OR6Y1: variants seen among roughly 807,000 people sequenced by gnomAD.
The protein encoded by OR6Y1 is olfactory receptor family 6 subfamily Y member 1, also known as olfactory receptor 6Y1.
Under a neutral mutation model 0.4 loss-of-function variants are expected in OR6Y1, and 1 was observed. That is an observed-to-expected ratio of 2.74 (90% CI 0.97 to 13.02). OR6Y1 has a LOEUF of 13.02. Ranked by LOEUF, OR6Y1 falls within the 30% of genes most tolerant of loss-of-function variation. OR6Y1 has a pLI of 0.12. For synonymous variants in OR6Y1, 173 were observed against 141.1 expected (o/e 1.23, Z -1.60); for missense variants, 480 against 399.8 (o/e 1.20, Z -1.71).
At chr1:158,552,704 A>G (rs185266425) in intron 1 of OR6Y1, among the ~76,000 whole-genome samples, 1 of 152,228 alleles carries the variant, frequency 6.6e-6, no homozygotes, top group African/African-American at 2.4e-5. Flanking sequence ...TCAAAAATGG[A>G]ACATAGGTAG....
At chr1:158,551,743 T>TAC (rs144175888) in intron 1 of OR6Y1, among the ~76,000 whole-genome samples, 9,002 of 139,550 alleles carry the variant, frequency 0.065, 375 homozygotes, top group Middle Eastern at 0.17. Flanking sequence ...TTGTAGTGAT[T>TAC]ACACACACAC....
At position 158,547,744 on chromosome 1, in the gene OR6Y1, G is replaced by A; in HGVS notation, c.362C>T (p.Ala121Val). Residue 121 changes from alanine (A) to valine (V), a missense_variant, in exon 2 of 2, where the codon GCT becomes GTT. Transcript: ENST00000641622. ...TFVCTEYILL[A>V]IMAFDRYVAI... ...TACATAGCGGTCAAAGGCCATGATAGCAAGAAGGATGTACTCAGTGCAGAC... is the reference window on the plus strand; with the variant it reads ...TACATAGCGGTCAAAGGCCATGATAACAAGAAGGATGTACTCAGTGCAGAC... 1.2e-6 allele frequency: 2 copies of A among 1,613,594 alleles called. No homozygotes were observed. The highest frequency in any genetic ancestry group is 1.7e-6 in the Non-Finnish European group (2 of 1,180,012).
Position 158,546,005 on chromosome 1 carries a change from G to C in OR6Y1, c.*1123C>G, listed in dbSNP as rs1647519469. On this transcript the variant is annotated 3_prime_UTR_variant, in exon 2 of 2. Transcript: ENST00000641622. ...CTCTAGGCTAACATCCTTCCTTGCTGCTTCTAGCTTCTGGTGTTTGCCAGC... is the reference window on the plus strand; with the variant it reads ...CTCTAGGCTAACATCCTTCCTTGCTCCTTCTAGCTTCTGGTGTTTGCCAGC... 1 of 152,124 alleles carries C rather than the reference G, an allele frequency of 6.6e-6. No homozygotes were observed. Among genetic ancestry groups the C allele is most frequent in the Admixed American group, 6.6e-5 (1 of 15,258 alleles). 9.4% of individuals were successfully genotyped at this position (152,124 alleles called of 1,614,324 possible). A position where few individuals can be genotyped will look rare whatever the true frequency, so the allele number is the denominator to read the frequency against.
rs2101707647 is a variant in OR6Y1 at position 158,547,687 on chromosome 1, A to T, written c.419T>A (p.Ile140Asn). Residue 140 changes from isoleucine (I) to asparagine (N), a missense_variant, in exon 2 of 2, where the codon ATC becomes AAC. Coordinates refer to ENST00000641622, the MANE Select transcript of OR6Y1 (RefSeq NM_001005189.2). Reference protein sequence around the residue: ...AICNPLRYPVIMTNQLCGTLA... With the variant: ...AICNPLRYPVNMTNQLCGTLA... ...TGTGCCACAGAGCTGGTTGGTCATG[A>T]TGACTGGGTAGCGTAGTGGATTACA... 1 of 1,613,548 alleles carries T rather than the reference A, an allele frequency of 6.2e-7. No individual in the cohort carries two copies. The highest frequency in any genetic ancestry group is 8.5e-7 in the Non-Finnish European group (1 of 1,180,010).
rs922710966 is a variant in OR6Y1 at position 158,545,649 on chromosome 1, C to A, written c.*1479G>T. 6.6e-6 allele frequency: 1 copy of A among 151,212 alleles called. No homozygotes were observed. The highest frequency in any genetic ancestry group is 1.5e-5 in the Non-Finnish European group (1 of 67,830). The allele number at this position is 151,212 out of a possible 1,614,324, so 9.4% of individuals were successfully genotyped here. A position where few individuals can be genotyped will look rare whatever the true frequency, so the allele number is the denominator to read the frequency against. On this transcript the variant is annotated 3_prime_UTR_variant, in exon 2 of 2. Coordinates refer to ENST00000641622, the MANE Select transcript of OR6Y1 (RefSeq NM_001005189.2). ...ACTTTTAAATGGAGTTGTTTGTTTT[C>A]ATCTTGTAAATATGTTTAAGTTCCT...
Position 158,546,921 on chromosome 1 carries a change from G to T in OR6Y1, c.*207C>A. On this transcript the variant is annotated 3_prime_UTR_variant, in exon 2 of 2. Coordinates refer to ENST00000641622, the MANE Select transcript of OR6Y1 (RefSeq NM_001005189.2). ...TAGCTTTTCTAACATTTTAAAACTT[G>T]TCTCTCAGCCTGATACCAGAGGTTA... 1 of 431,342 alleles carries T rather than the reference G, an allele frequency of 2.3e-6. No individual in the cohort carries two copies. The highest frequency in any genetic ancestry group is 4.1e-6 in the Non-Finnish European group (1 of 245,044). 26.7% of individuals were successfully genotyped at this position (431,342 alleles called of 1,614,324 possible).
Position 158,549,051 on chromosome 1 carries a change from T to G in OR6Y1, c.-946A>C, listed in dbSNP as rs1225351812. 1 of 151,406 alleles carries G rather than the reference T, an allele frequency of 6.6e-6. No homozygotes were observed. The highest frequency in any genetic ancestry group is 1.5e-5 in the Non-Finnish European group (1 of 67,972). The allele number at this position is 151,406 out of a possible 1,614,324, so 9.4% of individuals were successfully genotyped here. On this transcript the variant is annotated 5_prime_UTR_variant, in exon 2 of 2. Coordinates refer to ENST00000641622, the MANE Select transcript of OR6Y1 (RefSeq NM_001005189.2). Reference sequence around the variant, plus strand: ...TTTCCCCCACCCCAACTTCAACCCCTGCCAAAAACAGCAAAAAACTGGTGC... The same window carrying G: ...TTTCCCCCACCCCAACTTCAACCCCGGCCAAAAACAGCAAAAAACTGGTGC...
At position 158,544,797 on chromosome 1, in the gene OR6Y1, T is replaced by C. The variant is rs1462352633; in HGVS notation, c.*2331A>G. 1 of 152,212 alleles carries C rather than the reference T, an allele frequency of 6.6e-6. No homozygotes were observed. Among genetic ancestry groups the C allele is most frequent in the Non-Finnish European group, 1.5e-5 (1 of 68,042 alleles). The allele number at this position is 152,212 out of a possible 1,614,324, so 9.4% of individuals were successfully genotyped here. ...TGAGAATATGTGGTATTTGGTTTTC[T>C]GTTCTTGCATTAGTTTGCTAAAGGT... is the stretch of plus-strand genomic sequence containing the variant. On this transcript the variant is annotated 3_prime_UTR_variant, in exon 2 of 2. Coordinates refer to ENST00000641622, the MANE Select transcript of OR6Y1 (RefSeq NM_001005189.2).
chr1:158,547,520 C>A lies in OR6Y1; in HGVS notation c.586G>T (p.Asp196Tyr). The A allele has an allele frequency of 6.2e-7, 1 of 1,613,434 alleles. No homozygotes were observed. The highest frequency in any genetic ancestry group is 8.5e-7 in the Non-Finnish European group (1 of 1,179,988). ...ISPLLNVSCE[D>Y]ASQAEMVDFF... ...TCCACCATCTCAGCCTGTGAGGCAT[C>A]CTCACAGGAGACGTTAAGGAGTGGA... The change falls in exon 2 of 2, where the codon GAT (aspartate) becomes TAT (tyrosine). Residue 196 changes from aspartate (D) to tyrosine (Y), a missense_variant. Transcript: ENST00000641622.
intron 1 of OR6Y1, among the ~76,000 whole-genome samples, chr1:158,554,041 A>C (rs1296991036): frequency 6.6e-6 from 1 of 152,242 alleles, no homozygotes; most frequent in Admixed American, 6.5e-5. Flanking sequence ...TAATCTATAT[A>C]TATACTAAAT....
chr1:158,547,383 C>A lies in OR6Y1; in HGVS notation c.723G>T (p.Lys241Asn). Residue 241 changes from lysine to asparagine, a missense_variant, in exon 2 of 2, where the codon AAG (lysine) becomes AAT (asparagine). Lys to Asn is a moderately conservative substitution (Grantham distance 94). Coordinates refer to ENST00000641622, the MANE Select transcript of OR6Y1 (RefSeq NM_001005189.2). ...GGTGGGAGGCACAGGTGGAGAATGC[C>A]TTTTGGCGGCCCTGAGCAGAAGGGA... The part of the protein sequence containing the change: ...LRIPSAQGRQ[K>N]AFSTCASHLT... 6.2e-7 allele frequency: 1 copy of A among 1,613,526 alleles called. No homozygotes were observed. Among genetic ancestry groups the A allele is most frequent in the Non-Finnish European group, 8.5e-7 (1 of 1,179,990 alleles).
In OR6Y1 at chr1:158,548,238, C is replaced by T. The variant is rs1404866470; in HGVS notation, c.-133G>A. 3.6e-6 allele frequency: 3 copies of T among 826,202 alleles called. No homozygotes were observed. Among genetic ancestry groups the T allele is most frequent in the African/African-American group, 1.7e-5 (1 of 57,694 alleles). 51.2% of individuals were successfully genotyped at this position (826,202 alleles called of 1,614,324 possible). A position where few individuals can be genotyped will look rare whatever the true frequency, so the allele number is the denominator to read the frequency against. On this transcript the variant is annotated 5_prime_UTR_variant, in exon 2 of 2. Coordinates refer to ENST00000641622, the MANE Select transcript of OR6Y1 (RefSeq NM_001005189.2). ...GGTTTCTGCTTTTTTATCTTACTGC[C>T]TCTTGAATTATGAAGAGAACCAAAG...
intron 1 of OR6Y1, among the ~76,000 whole-genome samples, chr1:158,551,650 G>T: frequency 6.6e-6 from 1 of 151,456 alleles, no homozygotes; most frequent in Non-Finnish European, 1.5e-5. Flanking sequence ...GATTTAAATA[G>T]AATCATAAAA....
rs138268151 is a variant in OR6Y1 at position 158,551,622 on chromosome 1, C to A, written c.-1432-2085G>T. ...GACCCGATTCTCAAGAAGGACAAATCATCTCAAGTTTTAGCCTGATTTAAA... is the reference window on the plus strand; with the variant it reads ...GACCCGATTCTCAAGAAGGACAAATAATCTCAAGTTTTAGCCTGATTTAAA... On this transcript the variant is annotated intron_variant, in intron 1 of 1. Coordinates refer to ENST00000641622, the MANE Select transcript of OR6Y1 (RefSeq NM_001005189.2). 6.6e-5 allele frequency among the ~76,000 whole-genome samples: 10 copies of A among 151,772 alleles called. No individual in the cohort carries two copies. In the East Asian group the frequency reaches 1.9e-3, roughly 29 times the overall value.
rs1647613571 is a variant in OR6Y1, at chr1:158,548,437, C to T, written c.-332G>A. Reference sequence around the variant, plus strand: ...GCACATAAATGGTCTCCAGACCACCCTTTCACTACAGGCAAAACATCCCCA... The same window carrying T: ...GCACATAAATGGTCTCCAGACCACCTTTTCACTACAGGCAAAACATCCCCA... On this transcript the variant is annotated 5_prime_UTR_variant, in exon 2 of 2. Transcript: ENST00000641622. 1 of 194,778 alleles carries T rather than the reference C, an allele frequency of 5.1e-6. No individual in the cohort carries two copies. The highest frequency in any genetic ancestry group is 1.1e-4 in the South Asian group (1 of 8,806). 12.1% of individuals were successfully genotyped at this position (194,778 alleles called of 1,614,324 possible).
Position 158,553,973 on chromosome 1 carries a change from A to G in OR6Y1, c.-1433+293T>C, listed in dbSNP as rs890838028. Among the ~76,000 whole-genome samples the G allele has an allele frequency of 9.2e-5, 14 of 152,172 alleles. 1 individual carries two copies. The highest frequency in any genetic ancestry group is 8.5e-4 in the Admixed American group (13 of 15,276). On this transcript the variant is annotated intron_variant, in intron 1 of 1. Transcript: ENST00000641622. ...TACACTACATTTCTGAATCCTTAACATATTTCATATGGCTAGACATACATA... is the reference window on the plus strand; with the variant it reads ...TACACTACATTTCTGAATCCTTAACGTATTTCATATGGCTAGACATACATA...
chr1:158,549,891 G>A (rs1647655121), intron 1 of OR6Y1, among the ~76,000 whole-genome samples: 1 of 151,664 alleles, frequency 6.6e-6, no homozygotes, highest in Non-Finnish European at 1.5e-5. Context: ...AAGAGTGTAG[G>A]CCAGTCTCCA....
In OR6Y1 at chr1:158,545,363, A is replaced by G. The variant is rs1343411927; in HGVS notation, c.*1765T>C. The G allele has an allele frequency of 6.6e-6, 1 of 150,786 alleles. No individual in the cohort carries two copies. Among genetic ancestry groups the G allele is most frequent in the East Asian group, 2.0e-4 (1 of 5,098 alleles). The allele number at this position is 150,786 out of a possible 1,614,324, so 9.3% of individuals were successfully genotyped here. ...GAGGGGGGAGGGATAGCATTAGGAG[A>G]TATACCTAATGCTAAATGATGAGTT... On this transcript the variant is annotated 3_prime_UTR_variant, in exon 2 of 2. Coordinates refer to ENST00000641622, the MANE Select transcript of OR6Y1 (RefSeq NM_001005189.2).
In OR6Y1 at chr1:158,546,863, G is replaced by GTC. The variant is rs951720357; in HGVS notation, c.*263_*264dup. The GTC allele has an allele frequency of 7.7e-5, 23 of 298,190 alleles. No individual in the cohort carries two copies. Among genetic ancestry groups the GTC allele is most frequent in the East Asian group, 2.6e-4 (4 of 15,536 alleles). 18.5% of individuals were successfully genotyped at this position (298,190 alleles called of 1,614,324 possible). ...CTCCCTCCTACCACCCACTCTCTCT[G>GTC]TCTCTCTCTCTGTGTTTCTTCCTGA... On this transcript the variant is annotated 3_prime_UTR_variant, in exon 2 of 2. Transcript: ENST00000641622.
Sources: gnomAD v4.1 joint callset for allele counts (sites outside exome capture counted in the v4.1 genomes callset) on GRCh38, gnomAD v4.1.1 for gene constraint, MANE v1.5 for transcripts, NCBI Gene and HGNC (gene_info 2026-07-23, HGNC 2026-07-21) for gene names.